CDKAL1: variants seen among roughly 807,000 people sequenced by gnomAD.
CDKAL1 encodes threonylcarbamoyladenosine tRNA methylthiotransferase.
CDKAL1 carries 32 observed loss-of-function variants against 68.2 expected under a neutral mutation model. The observed-to-expected ratio is 0.47, with a 90% CI of 0.35 to 0.63. The LOEUF (loss-of-function observed/expected upper bound fraction) is 0.63, where lower values mean the gene tolerates loss of function less well. CDKAL1 is among the 30% of genes least tolerant of loss of function. The pLI is 0.00. For missense variants in CDKAL1, 606 were observed against 696.7 expected (o/e 0.87, Z 1.47); for synonymous variants, 234 against 244.3 (o/e 0.96, Z 0.39).
chr6:20,944,591 C>T (rs141768955), intron 9 of CDKAL1, among the ~76,000 whole-genome samples: 6,733 of 152,274 alleles, frequency 0.044, 482 homozygotes, highest in African/African-American at 0.15. Context: ...GTGATCCACC[C>T]GCCACAGCCT....
At chr6:20,862,218 A>G (rs942043338) in intron 9 of CDKAL1, among the ~76,000 whole-genome samples, 2 of 152,232 alleles carry the variant, frequency 1.3e-5, no homozygotes, top group African/African-American at 4.8e-5. Flanking sequence ...TCACACAGCC[A>G]GTGGCCAAGT....
At chr6:21,183,871 C>A (rs1777899291) in intron 13 of CDKAL1, among the ~76,000 whole-genome samples, 2 of 152,016 alleles carry the variant, frequency 1.3e-5, no homozygotes, top group African/African-American at 4.8e-5. Context: ...AAATTCTAAG[C>A]CCCCCAACCA....
At chr6:20,792,735 C>CATTT (rs1428649576) in intron 8 of CDKAL1, among the ~76,000 whole-genome samples, 1 of 152,206 alleles carries the variant, frequency 6.6e-6, no homozygotes, top group East Asian at 1.9e-4. Context: ...CTCATTCACT[C>CATTT]ATTTACTCAA....
chr6:20,608,580 G>A (rs779683695), intron 4 of CDKAL1, among the ~76,000 whole-genome samples: 2 of 152,146 alleles, frequency 1.3e-5, no homozygotes, highest in African/African-American at 2.4e-5. Context: ...TAAAACTATG[G>A]CTGATACCAG....
At chr6:20,955,636 G>T in intron 10 of CDKAL1, 51 bp downstream of exon 10, 1 of 1,537,576 alleles carries the variant, frequency 6.5e-7, no homozygotes, top group South Asian at 1.2e-5. Flanking sequence ...AACCAGTCCA[G>T]ACAGTGTGGC....
At chr6:20,781,536 T>G (rs1248367945) in intron 8 of CDKAL1, among the ~76,000 whole-genome samples, 1 of 152,222 alleles carries the variant, frequency 6.6e-6, no homozygotes, top group East Asian at 1.9e-4. Flanking sequence ...TGCCCTTACT[T>G]AAAATCTTTG....
intron 9 of CDKAL1, among the ~76,000 whole-genome samples, chr6:20,889,712 G>A (rs999329822): frequency 6.6e-6 from 1 of 152,050 alleles, no homozygotes; most frequent in East Asian, 1.9e-4. Context: ...TGTTCCATTG[G>A]TCTATATCTC....
chr6:20,697,250 G>A (rs1028031849), intron 5 of CDKAL1, among the ~76,000 whole-genome samples: 4 of 152,092 alleles, frequency 2.6e-5, no homozygotes, highest in African/African-American at 9.7e-5. Flanking sequence ...GTATTTCTAG[G>A]TAAAATGGTT....
At chr6:21,227,566 G>C (rs961045608) in intron 15 of CDKAL1, among the ~76,000 whole-genome samples, 1 of 152,386 alleles carries the variant, frequency 6.6e-6, no homozygotes, top group South Asian at 2.1e-4. Context: ...CCGCGGTCAC[G>C]CTCCCGCCTT....
intron 5 of CDKAL1, among the ~76,000 whole-genome samples, chr6:20,696,880 G>A (rs1211186020): frequency 6.6e-6 from 1 of 151,962 alleles, no homozygotes; most frequent in Admixed American, 6.6e-5. Flanking sequence ...TGACGTGTTC[G>A]GTAGTCATTT....
At chr6:21,032,449 A>C (rs1036000977) in intron 11 of CDKAL1, among the ~76,000 whole-genome samples, 1 of 152,118 alleles carries the variant, frequency 6.6e-6, no homozygotes, top group Non-Finnish European at 1.5e-5. Context: ...AAGTTACTTA[A>C]TTATTCTCCC....
intron 4 of CDKAL1, among the ~76,000 whole-genome samples, chr6:20,570,944 TGGTCTCCTTATC>T (rs1472700792): frequency 6.6e-6 from 1 of 152,178 alleles, no homozygotes; most frequent in East Asian, 1.9e-4. Context: ...TTTCTACTTT[TGGTCTCCTTATC>T]CTATCTTCCC....
intron 2 of CDKAL1, among the ~76,000 whole-genome samples, chr6:20,536,517 C>G (rs2179550): frequency 0.46 from 69,425 of 151,878 alleles, 16,527 homozygotes; most frequent in African/African-American, 0.6. Context: ...CGCTTTCCCC[C>G]TTGAATTGTC....
chr6:21,003,401 C>CACACACACACACACAT (rs1767560582), intron 11 of CDKAL1, among the ~76,000 whole-genome samples: 1 of 131,652 alleles, frequency 7.6e-6, no homozygotes, highest in African/African-American at 3.0e-5. Flanking sequence ...TATATACACA[C>CACACACACACACACAT]ATACCTACAC....
At chr6:21,112,999 T>C (rs938212456) in intron 13 of CDKAL1, among the ~76,000 whole-genome samples, 5 of 151,912 alleles carry the variant, frequency 3.3e-5, no homozygotes, top group African/African-American at 1.2e-4. Flanking sequence ...TAAAAGAGGG[T>C]AGTTATTGCT....
intron 8 of CDKAL1, among the ~76,000 whole-genome samples, chr6:20,789,242 T>C (rs1775800533): frequency 6.6e-6 from 1 of 152,344 alleles, no homozygotes; most frequent in Non-Finnish European, 1.5e-5. Flanking sequence ...TCCCAAAATA[T>C]CTTATTTTCA....
intron 5 of CDKAL1, among the ~76,000 whole-genome samples, chr6:20,658,503 T>C (rs16884082): frequency 0.069 from 10,458 of 152,284 alleles, 1,164 homozygotes; most frequent in African/African-American, 0.23. Context: ...GAAAGCACCT[T>C]CCATGCTATT....
chr6:20,687,999 CTA>C (rs1770702527), intron 5 of CDKAL1, among the ~76,000 whole-genome samples: 1 of 151,814 alleles, frequency 6.6e-6, no homozygotes, highest in African/African-American at 2.4e-5. Context: ...TTACAGAATT[CTA>C]TGTTGTTGTT....
intron 8 of CDKAL1, among the ~76,000 whole-genome samples, chr6:20,785,085 A>G (rs1337298021): frequency 6.6e-6 from 1 of 152,060 alleles, no homozygotes; most frequent in Non-Finnish European, 1.5e-5. Flanking sequence ...TGTATCCTTC[A>G]CATTAGAGTA....
Sources: allele counts gnomAD v4.1 joint callset (sites outside exome capture counted in the v4.1 genomes callset), GRCh38; gene constraint gnomAD v4.1.1; transcripts MANE v1.5; gene names NCBI Gene and HGNC (gene_info 2026-07-23, HGNC 2026-07-21).